Variants in AGAP9 observed in about 807,000 individuals in gnomAD.
AGAP9 encodes the protein ArfGAP with GTPase domain, ankyrin repeat and PH domain 9, also known as arf-GAP with GTPase, ANK repeat and PH domain-containing protein 9.
In AGAP9, 23 loss-of-function variants were observed where a neutral mutation model predicts 55.6. The observed-to-expected ratio is 0.41, with a 90% confidence interval of 0.30 to 0.59. The LOEUF is 0.59. AGAP9 is among the 20% of genes least tolerant of loss of function. The pLI is 0.25. For synonymous variants in AGAP9, 120 were observed against 305.0 expected, an observed-to-expected ratio of 0.39 and a Z score of 6.32; for missense variants, 309 against 808.1, an observed-to-expected ratio of 0.38 and a Z score of 7.49.
chr10:47,502,328 G>A lies in AGAP9; in HGVS notation c.1801C>T (p.Gln601Ter), dbSNP rs1271371819. Residue 601 changes from glutamine to a stop codon, truncating the protein, a stop_gained, in exon 8 of 8, where the codon CAG becomes TAG. Coordinates refer to ENST00000452145, the MANE Select transcript of AGAP9 (RefSeq NM_001190810.1). LOFTEE classifies it high-confidence loss of function. ...LLRATTDEDL[Q>*]TAILLLAHGS... ...TGTGCCAGCAGCAGGATGGCTGTCTGCAGGTCCTCATCAGTGGTGGCCCGC... is the reference window on the plus strand; with the variant it reads ...TGTGCCAGCAGCAGGATGGCTGTCTACAGGTCCTCATCAGTGGTGGCCCGC... The A allele has an allele frequency of 6.2e-7, 1 of 1,602,988 alleles. No individual in the cohort carries two copies. Among genetic ancestry groups the A allele is most frequent in the Non-Finnish European group, 8.5e-7 (1 of 1,177,364 alleles).
Position 47,503,079 on chromosome 10 carries a change from T to C in AGAP9, c.1050A>G (p.Ser350=), listed in dbSNP as rs1173680240. The change falls in exon 8 of 8, where the codon TCA becomes TCG. Residue 350 remains serine, a synonymous_variant. Coordinates refer to ENST00000452145, the MANE Select transcript of AGAP9 (RefSeq NM_001190810.1). ...TAGAGCTGGAGATGGGTGCACAGGC[T>C]GATGTGGCTAGGGATGGCCACTTTC... is the stretch of plus-strand genomic sequence containing the variant. The part of the protein sequence containing the change: ...VPGKWPSLAT[S]ACAPISSSKS... 2.1e-5 allele frequency: 34 copies of C among 1,611,526 alleles called. No individual in the cohort carries two copies. In the Admixed American group the frequency reaches 2.2e-4, roughly 10 times the overall value.
At chr10:47,516,058 A>G (rs1200526226) in intron 4 of AGAP9, among the ~76,000 whole-genome samples, 1 of 125,072 alleles carries the variant, frequency 8.0e-6, no homozygotes, top group Non-Finnish European at 1.6e-5. Flanking sequence ...ATAGTAGAGG[A>G]TAAAGTCACA....
At chr10:47,508,319 GC>G (rs1840525770) in intron 5 of AGAP9, among the ~76,000 whole-genome samples, 2 of 57,634 alleles carry the variant, frequency 3.5e-5, no homozygotes. Flanking sequence ...TTTTTAAAAA[GC>G]CTGTAACATT....
rs1336253217 is a variant in AGAP9 at position 47,510,975 on chromosome 10, G to A, written c.397-704C>T. 5.5e-5 allele frequency among the ~76,000 whole-genome samples: 7 copies of A among 127,410 alleles called. 1 individual carries two copies. The highest frequency in any genetic ancestry group is 2.1e-4 in the African/African-American group (7 of 32,632). 83.6% of individuals were successfully genotyped at this position (127,410 alleles called of 152,430 possible). ...TTATTTATTTTTGAGACGGAGTCTC[G>A]CTCTGTAGCCCAGGCTGGAGTGCAG... On this transcript the variant is annotated intron_variant, in intron 4 of 7. Transcript: ENST00000452145.
chr10:47,506,643 TTTTG>T (rs1258344700), intron 6 of AGAP9, among the ~76,000 whole-genome samples: 7 of 141,948 alleles, frequency 4.9e-5, no homozygotes, highest in African/African-American at 7.7e-5. Flanking sequence ...TTATTGCTTT[TTTTG>T]TTTGTTTGTT....
At chr10:47,503,937 C>CAAAAAAAAAAAAAAAAAAAA (rs1186798630) in intron 7 of AGAP9, among the ~76,000 whole-genome samples, 1 of 23,442 alleles carries the variant, frequency 4.3e-5, no homozygotes, top group Non-Finnish European at 6.8e-5. Context: ...GAGAGTCCAT[C>CAAAAAAAAAAAAAAAAAAAA]AAAAAAAAAA....
At chr10:47,506,777 C>A (rs2132477824) in intron 6 of AGAP9, among the ~76,000 whole-genome samples, 1 of 144,670 alleles carries the variant, frequency 6.9e-6, no homozygotes, top group East Asian at 2.7e-4. Context: ...ATACGTGGGA[C>A]TACAGGTGCG....
rs1488785146 is a variant in AGAP9 at position 47,513,651 on chromosome 10, A to G, written c.397-3380T>C. 1.4e-3 allele frequency among the ~76,000 whole-genome samples: 202 copies of G among 140,694 alleles called. 27 individuals carry two copies. In the South Asian group the frequency reaches 0.045, roughly 32 times the overall value. The allele number at this position is 140,694 out of a possible 152,430, so 92.3% of individuals were successfully genotyped here. On this transcript the variant is annotated intron_variant, in intron 4 of 7. Coordinates refer to ENST00000452145, the MANE Select transcript of AGAP9 (RefSeq NM_001190810.1). ...ATTTCAAACTATACTATAAGGCCAT[A>G]GTCGCCAAAATAGCACGGTACTGAT...
Position 47,502,259 on chromosome 10 carries a change from C to T in AGAP9, c.1870G>A (p.Gly624Ser), listed in dbSNP as rs1443306061. ...EVNETCGEGD[G>S]CTALHLACRK... ...CAGGCCAGATGGAGTGCCGTGCAGC[C>T]GTCTCCCTCCCCACAGGTCTCGTTC... Residue 624 changes from glycine (G) to serine (S), a missense_variant, in exon 8 of 8, where the codon GGC becomes AGC. Coordinates refer to ENST00000452145, the MANE Select transcript of AGAP9 (RefSeq NM_001190810.1). 28 of 1,596,120 alleles carry T rather than the reference C, an allele frequency of 1.8e-5. 1 individual carries two copies. The highest frequency in any genetic ancestry group is 1.1e-4 in the African/African-American group (8 of 71,562).
At chr10:47,506,419 C>A (rs1468695152) in intron 6 of AGAP9, among the ~76,000 whole-genome samples, 1 of 138,892 alleles carries the variant, frequency 7.2e-6, no homozygotes, top group Non-Finnish European at 1.5e-5. Flanking sequence ...CAACCTCCAC[C>A]TCCCAGGCTC....
At chr10:47,519,679 T>C (rs1273154678) in intron 3 of AGAP9, among the ~76,000 whole-genome samples, 1 of 25,286 alleles carries the variant, frequency 4.0e-5, no homozygotes, top group African/African-American at 1.7e-4. Flanking sequence ...GCCTTAGGTA[T>C]CTCTTTATAG....
chr10:47,503,621 C>T, intron 7 of AGAP9, 78 bp from the exon 8 acceptor site: 1 of 1,326,574 alleles, frequency 7.5e-7, no homozygotes, highest in East Asian at 2.5e-5. Context: ...TCACAATTAC[C>T]TTTTAAAAAG....
intron 4 of AGAP9, among the ~76,000 whole-genome samples, chr10:47,514,715 AT>A (rs1219465709): frequency 1.5e-4 from 1 of 6,522 alleles, no homozygotes; most frequent in Admixed American, 1.3e-3. Flanking sequence ...GGCAGGACAA[AT>A]TTTAGATAGG....
intron 6 of AGAP9, among the ~76,000 whole-genome samples, chr10:47,506,380 G>C (rs1291090081): frequency 1.7e-4 from 23 of 136,402 alleles, no homozygotes; most frequent in East Asian, 1.2e-3. Flanking sequence ...ACCCAGGCTG[G>C]GGTGCAATGG....
At chr10:47,506,624 C>T (rs1300624957) in intron 6 of AGAP9, among the ~76,000 whole-genome samples, 1 of 141,306 alleles carries the variant, frequency 7.1e-6, no homozygotes, top group African/African-American at 2.6e-5. Flanking sequence ...ACCACTGCGC[C>T]CCACCAGCTT....
Position 47,514,124 on chromosome 10 carries a change from C to T in AGAP9, c.396+3699G>A, listed in dbSNP as rs1840683497. 9.9e-5 allele frequency among the ~76,000 whole-genome samples: 14 copies of T among 141,428 alleles called. 1 individual carries two copies. 92.8% of individuals were successfully genotyped at this position (141,428 alleles called of 152,430 possible). ...TGGGAGGAAATCTTCGCAGTCTATACATCTGACAAAGGGCTATTATCCAGA... is the reference window on the plus strand; with the variant it reads ...TGGGAGGAAATCTTCGCAGTCTATATATCTGACAAAGGGCTATTATCCAGA... On this transcript the variant is annotated intron_variant, in intron 4 of 7. Transcript: ENST00000452145.
rs1443829650 is a variant in AGAP9, at chr10:47,502,231, C to A, written c.1898G>T (p.Arg633Leu). ...CTGCTCCAGGACCACATTCCCCTTG[C>A]GGCAGGCCAGATGGAGTGCCGTGCA... ...DGCTALHLAC[R>L]KGNVVLEQLL... is the part of the protein sequence containing the mutation. Residue 633 changes from arginine to leucine, a missense_variant, in exon 8 of 8, where the codon CGC becomes CTC. Coordinates refer to ENST00000452145, the MANE Select transcript of AGAP9 (RefSeq NM_001190810.1). 3 of 1,580,884 alleles carry A rather than the reference C, an allele frequency of 1.9e-6. No homozygotes were observed. Among genetic ancestry groups the A allele is most frequent in the Non-Finnish European group, 2.6e-6 (3 of 1,168,598 alleles).
intron 4 of AGAP9, among the ~76,000 whole-genome samples, chr10:47,514,457 T>C (rs1267531968): frequency 8.4e-6 from 1 of 119,212 alleles, no homozygotes; most frequent in Non-Finnish European, 1.7e-5. Flanking sequence ...CTTTGGGGAC[T>C]TGGGGGAAAG....
At chr10:47,516,597 G>A (rs1230980201) in intron 4 of AGAP9, among the ~76,000 whole-genome samples, 1 of 138,654 alleles carries the variant, frequency 7.2e-6, no homozygotes, top group African/African-American at 2.8e-5. Flanking sequence ...AGTTACGTGA[G>A]ATCCCAAAAG....
Sources: allele counts gnomAD v4.1 joint callset (sites outside exome capture counted in the v4.1 genomes callset), GRCh38; gene constraint gnomAD v4.1.1; transcripts MANE v1.5; gene names NCBI Gene and HGNC (gene_info 2026-07-23, HGNC 2026-07-21).